Variants in COBLL1 observed in about 807,000 individuals in gnomAD.
COBLL1 encodes the protein cordon-bleu WH2 repeat protein like 1.
Under a neutral mutation model 94.8 loss-of-function variants are expected in COBLL1, and 50 were observed. That is an observed-to-expected ratio of 0.53 (90% CI 0.42 to 0.67). The LOEUF is 0.67. Among genes scored for constraint, COBLL1 ranks in the 30% least tolerant of loss-of-function variants. The pLI, the probability that COBLL1 is intolerant of heterozygous loss-of-function variation, is 0.00. For missense variants in COBLL1, 1,362 were observed against 1,348.7 expected, an observed-to-expected ratio of 1.01 and a Z score of -0.15; for synonymous variants, 448 against 473.8, an observed-to-expected ratio of 0.95 and a Z score of 0.71.
At chr2:164,742,660 A>C (rs866012544) in intron 3 of COBLL1, among the ~76,000 whole-genome samples, 26 of 152,308 alleles carry the variant, frequency 1.7e-4, no homozygotes, top group African/African-American at 5.1e-4. Flanking sequence ...TCAGAGTTAA[A>C]TAATACTATA....
chr2:164,719,143 G>A (rs1685322724), intron 7 of COBLL1, among the ~76,000 whole-genome samples: 1 of 151,800 alleles, frequency 6.6e-6, no homozygotes, highest in South Asian at 2.1e-4. Context: ...TGTCAGCAGA[G>A]GGAATAAAAG....
At chr2:164,805,337 C>CTCTCTATATATA (rs758137553) in intron 2 of COBLL1, among the ~76,000 whole-genome samples, 14 of 17,050 alleles carry the variant, frequency 8.2e-4, no homozygotes, top group African/African-American at 1.6e-3. Flanking sequence ...CTCTCTCTCT[C>CTCTCTATATATA]TATATATATA....
chr2:164,734,014 T>C (rs1686164358), intron 3 of COBLL1, among the ~76,000 whole-genome samples: 1 of 152,146 alleles, frequency 6.6e-6, no homozygotes, highest in African/African-American at 2.4e-5. Context: ...GGGAACTTGT[T>C]AGAAATGCAA....
chr2:164,780,436 T>C (rs565198643), intron 2 of COBLL1, among the ~76,000 whole-genome samples: 1 of 152,174 alleles, frequency 6.6e-6, no homozygotes, highest in Non-Finnish European at 1.5e-5. Context: ...TAAAGACATA[T>C]GTTCTTTTTT....
At chr2:164,832,739 A>G (rs943074929) in intron 2 of COBLL1, among the ~76,000 whole-genome samples, 3 of 152,320 alleles carry the variant, frequency 2.0e-5, no homozygotes, top group African/African-American at 7.2e-5. Context: ...TCTGATTTCA[A>G]TTGAGGAATT....
chr2:164,731,820 T>C (rs1375207770), intron 3 of COBLL1, among the ~76,000 whole-genome samples: 1 of 152,218 alleles, frequency 6.6e-6, no homozygotes. Flanking sequence ...TTCAGTATGC[T>C]ACTTTTATTT....
chr2:164,715,852 T>C (rs1685137738), intron 7 of COBLL1, among the ~76,000 whole-genome samples: 2 of 152,114 alleles, frequency 1.3e-5, no homozygotes. Context: ...AGCCACAATG[T>C]AATATCCCAG....
At chr2:164,765,496 A>T (rs1364481572) in intron 2 of COBLL1, among the ~76,000 whole-genome samples, 10 of 152,308 alleles carry the variant, frequency 6.6e-5, no homozygotes, top group East Asian at 3.9e-4. Flanking sequence ...GTATTTTTTT[A>T]AATTTCCTTA....
chr2:164,707,992 G>A (rs763605030), intron 7 of COBLL1, among the ~76,000 whole-genome samples: 1 of 152,108 alleles, frequency 6.6e-6, no homozygotes, highest in Non-Finnish European at 1.5e-5. Flanking sequence ...TGCCAACTGT[G>A]TTAGGTACTA....
At chr2:164,795,265 A>G (rs1488091235) in intron 2 of COBLL1, among the ~76,000 whole-genome samples, 1 of 152,184 alleles carries the variant, frequency 6.6e-6, no homozygotes, top group Admixed American at 6.5e-5. Context: ...ACTGAAAATT[A>G]TTTGACAGAA....
chr2:164,786,728 C>T (rs1171877603), intron 2 of COBLL1, among the ~76,000 whole-genome samples: 2 of 152,184 alleles, frequency 1.3e-5, no homozygotes, highest in Non-Finnish European at 2.9e-5. Flanking sequence ...GTGTCACCTT[C>T]CCAGATTCTT....
chr2:164,729,902 T>C lies in COBLL1; in HGVS notation c.432+12A>G, dbSNP rs1169745185. On this transcript the variant is annotated intron_variant, in intron 4 of 13. Transcript: ENST00000652658. ...CTGAATAAGACATCAAAATATATAA[T>C]GGAATTCTTACCTCTGGTATTATAG... 1.9e-6 allele frequency: 3 copies of C among 1,599,978 alleles called. No homozygotes were observed. Among genetic ancestry groups the C allele is most frequent in the East Asian group, 4.5e-5 (2 of 44,756 alleles).
intron 1 of COBLL1, among the ~76,000 whole-genome samples, chr2:164,667,328 C>A (rs1000762064): frequency 2.0e-5 from 3 of 152,130 alleles, no homozygotes; most frequent in Non-Finnish European, 4.4e-5. Context: ...GAAGGACGCT[C>A]ATATTTTTTG....
intron 2 of COBLL1, among the ~76,000 whole-genome samples, chr2:164,790,301 G>C (rs1474630675): frequency 1.3e-5 from 2 of 152,088 alleles, no homozygotes; most frequent in African/African-American, 4.8e-5. Context: ...TCCTATCTAG[G>C]ATGGCTTCCT....
intron 2 of COBLL1, among the ~76,000 whole-genome samples, chr2:164,771,000 A>G (rs1688175231): frequency 6.6e-6 from 1 of 152,070 alleles, no homozygotes; most frequent in Non-Finnish European, 1.5e-5. Flanking sequence ...TCGCATAAAG[A>G]TCATTATGTT....
At chr2:164,825,804 A>T (rs984820105) in intron 2 of COBLL1, among the ~76,000 whole-genome samples, 1 of 152,188 alleles carries the variant, frequency 6.6e-6, no homozygotes, top group African/African-American at 2.4e-5. Flanking sequence ...GGTTGCAGTC[A>T]TCCTGAGAGA....
intron 13 of COBLL1, among the ~76,000 whole-genome samples, chr2:164,687,069 G>C (rs1253449677): frequency 6.6e-6 from 1 of 152,232 alleles, no homozygotes; most frequent in Non-Finnish European, 1.5e-5. Context: ...GGATGGAGCA[G>C]AGTGATTGAC....
intron 2 of COBLL1, among the ~76,000 whole-genome samples, chr2:164,747,566 C>T (rs1686928542): frequency 6.6e-6 from 1 of 152,146 alleles, no homozygotes; most frequent in African/African-American, 2.4e-5. Context: ...TCACTGCATC[C>T]TCTATCTCCC....
chr2:164,680,153 T>C (rs543013157), downstream of COBLL1: 1 of 152,178 alleles, frequency 6.6e-6, no homozygotes, highest in East Asian at 1.9e-4. Flanking sequence ...TAAATGTCTT[T>C]ATCCATATGA....
Sources: allele counts gnomAD v4.1 joint callset (sites outside exome capture counted in the v4.1 genomes callset), GRCh38; gene constraint gnomAD v4.1.1; transcripts MANE v1.5; gene names NCBI Gene and HGNC (gene_info 2026-07-23, HGNC 2026-07-21).